SP1: variants seen among roughly 807,000 people sequenced by gnomAD.
SP1 encodes transcription factor Sp1.
In SP1, 6 loss-of-function variants were observed where a neutral mutation model predicts 66.3. The observed-to-expected ratio is 0.09, with a 90% CI of 0.05 to 0.18. The LOEUF (loss-of-function observed/expected upper bound fraction) is 0.18. Ranked by LOEUF, SP1 falls within the 10% of genes least tolerant of loss-of-function variation. The probability of loss-of-function intolerance (pLI) is 1.00; values close to 1 mark genes in which losing one functional copy is unlikely to be tolerated. For synonymous variants in SP1, 417 were observed against 360.8 expected (o/e 1.16, Z -1.77); for missense variants, 848 against 964.5 (o/e 0.88, Z 1.60).
chr12:53,404,794 C>T (rs1164246077), intron 3 of SP1, among the ~76,000 whole-genome samples: 4 of 151,724 alleles, frequency 2.6e-5, no homozygotes, highest in African/African-American at 7.3e-5. Context: ...CCTTAGCCTC[C>T]TGAGTAGCTG....
chr12:53,411,335 T>C lies in SP1; in HGVS notation c.*95T>C, dbSNP rs1475517910. 9.7e-7 allele frequency: 1 copy of C among 1,030,654 alleles called. No individual in the cohort carries two copies. The highest frequency in any genetic ancestry group is 1.6e-5 in the African/African-American group (1 of 62,596). 63.8% of individuals were successfully genotyped at this position (1,030,654 alleles called of 1,614,324 possible). The stretch of plus-strand genomic sequence containing the variant: ...CCAAGAGACATGGAAGAGAGAGCCA[T>C]GAAGCATTAAAATGCATGGTGTTGA... On this transcript the variant is annotated 3_prime_UTR_variant, in exon 6 of 6. Transcript: ENST00000327443.
chr12:53,405,807 A>T (rs1938720866), intron 3 of SP1, among the ~76,000 whole-genome samples: 1 of 152,082 alleles, frequency 6.6e-6, no homozygotes, highest in Non-Finnish European at 1.5e-5. Context: ...TGGTAATCTG[A>T]TAGGTGAAAA....
intron 5 of SP1, 63 bp downstream of exon 5, chr12:53,409,624 C>T: frequency 1.5e-6 from 2 of 1,304,330 alleles, no homozygotes; most frequent in South Asian, 2.5e-5. Context: ...ACAAAATATA[C>T]CTACAAAATA....
At chr12:53,404,179 A>G (rs1164748607) in intron 3 of SP1, among the ~76,000 whole-genome samples, 2 of 151,792 alleles carry the variant, frequency 1.3e-5, no homozygotes, top group Non-Finnish European at 2.9e-5. Flanking sequence ...TCAAAAAAAA[A>G]AAAAGGAAAG....
chr12:53,391,803 A>G (rs1938359695), intron 3 of SP1, among the ~76,000 whole-genome samples: 1 of 150,712 alleles, frequency 6.6e-6, no homozygotes, highest in Non-Finnish European at 1.5e-5. Flanking sequence ...CTGTATGTCC[A>G]TGAATACTCA....
At chr12:53,388,058 A>AAAACATTTATAAAAATGTTTTATAAACT (rs765966570) in intron 3 of SP1, among the ~76,000 whole-genome samples, 2 of 152,206 alleles carry the variant, frequency 1.3e-5, no homozygotes, top group Non-Finnish European at 2.9e-5. Context: ...AGATGTTTAT[A>AAAACATTTATAAAAATGTTTTATAAACT]AAACATTTAT....
At chr12:53,402,267 A>G (rs1026147470) in intron 3 of SP1, among the ~76,000 whole-genome samples, 3 of 139,502 alleles carry the variant, frequency 2.2e-5, no homozygotes, top group East Asian at 2.1e-4. Context: ...CTTGTCGCCC[A>G]GGCTGGAGTG....
chr12:53,380,646 G>T, intron 1 of SP1: 1 of 995,264 alleles, frequency 1.0e-6, no homozygotes, highest in Non-Finnish European at 1.2e-6. Context: ...AGCAGCGAAG[G>T]CCCCGCCCGG....
At chr12:53,394,076 G>A (rs1436214549) in intron 3 of SP1, among the ~76,000 whole-genome samples, 1 of 151,930 alleles carries the variant, frequency 6.6e-6, no homozygotes, top group African/African-American at 2.4e-5. Flanking sequence ...TTAGCCCGGC[G>A]TGGTGATGCA....
chr12:53,404,216 A>G (rs1435326661), intron 3 of SP1, among the ~76,000 whole-genome samples: 1 of 150,794 alleles, frequency 6.6e-6, no homozygotes, highest in Non-Finnish European at 1.5e-5. Context: ...ATTATCTGCC[A>G]CTTTATAAGA....
intron 3 of SP1, among the ~76,000 whole-genome samples, chr12:53,399,293 T>C (rs1212015265): frequency 6.6e-6 from 1 of 152,116 alleles, no homozygotes; most frequent in Admixed American, 6.6e-5. Flanking sequence ...GGACTACAGG[T>C]GTGCTCCACC....
chr12:53,402,490 G>A (rs1215760437), intron 3 of SP1, among the ~76,000 whole-genome samples: 1 of 151,560 alleles, frequency 6.6e-6, no homozygotes, highest in Non-Finnish European at 1.5e-5. Flanking sequence ...CCAAAGTACT[G>A]GGATTACAGG....
chr12:53,380,595 AG>A (rs1938063896), intron 1 of SP1: 1 of 997,104 alleles, frequency 1.0e-6, no homozygotes, highest in South Asian at 4.8e-5. Context: ...CGCCCGCCTG[AG>A]GCTCCTCCCG....
At chr12:53,410,208 G>A (rs934662705) in intron 5 of SP1, among the ~76,000 whole-genome samples, 3 of 151,634 alleles carry the variant, frequency 2.0e-5, no homozygotes, top group African/African-American at 7.3e-5. Flanking sequence ...AGGAGGCTGA[G>A]GCAGGAGAAT....
At chr12:53,380,642 G>T (rs1210261912) in intron 1 of SP1, 69 of 995,794 alleles carry the variant, frequency 6.9e-5, no homozygotes, top group Non-Finnish European at 7.9e-5. Flanking sequence ...CCCGAGCAGC[G>T]AAGGCCCCGC....
chr12:53,399,676 G>T (rs1342013793), intron 3 of SP1, among the ~76,000 whole-genome samples: 2 of 149,576 alleles, frequency 1.3e-5, no homozygotes, highest in African/African-American at 4.9e-5. Flanking sequence ...CACTCTTGTT[G>T]CCCAGGCTGG....
chr12:53,398,975 G>T (rs1449323580), intron 3 of SP1, among the ~76,000 whole-genome samples: 1 of 152,086 alleles, frequency 6.6e-6, no homozygotes, highest in East Asian at 1.9e-4. Context: ...TCTATATATA[G>T]TTTTGTCAAT....
chr12:53,380,760 C>T (rs1783839503), intron 1 of SP1: 2 of 637,878 alleles, frequency 3.1e-6, no homozygotes, highest in Non-Finnish European at 3.9e-6. Context: ...CACCGTCCCG[C>T]CCTTTCCACG....
In SP1 at chr12:53,397,464, A is replaced by G. The variant is rs942570180; in HGVS notation, c.1676-9121A>G. 7.3e-5 allele frequency among the ~76,000 whole-genome samples: 10 copies of G among 137,380 alleles called. No homozygotes were observed. In the South Asian group the frequency reaches 2.1e-3, roughly 29 times the overall value. The allele number at this position is 137,380 out of a possible 152,430, so 90.1% of individuals were successfully genotyped here. A position where few individuals can be genotyped will look rare whatever the true frequency, so the allele number is the denominator to read the frequency against. On this transcript the variant is annotated intron_variant, in intron 3 of 5. Coordinates refer to ENST00000327443, the MANE Select transcript of SP1 (RefSeq NM_138473.3). ...AAACACTATATAGGATAATATAGTA[A>G]TTTTTTTTTTTTTTTTTTGAGATGG...
Sources: allele counts gnomAD v4.1 joint callset (sites outside exome capture counted in the v4.1 genomes callset), GRCh38; gene constraint gnomAD v4.1.1; transcripts MANE v1.5; gene names NCBI Gene and HGNC (gene_info 2026-07-23, HGNC 2026-07-21).